Variants in NEDD4L observed in about 807,000 individuals in gnomAD.
The protein encoded by NEDD4L is E3 ubiquitin-protein ligase NEDD4-like.
Under a neutral mutation model 148.9 loss-of-function variants are expected in NEDD4L, and 54 were observed. The ratio of observed to expected loss-of-function variants is 0.36; its 90% CI spans 0.29 to 0.45. NEDD4L has a LOEUF of 0.45. Ranked by LOEUF, NEDD4L falls within the 20% of genes least tolerant of loss-of-function variation. The pLI, the probability that NEDD4L is intolerant of heterozygous loss-of-function variation, is 1.00. For missense variants in NEDD4L, 856 were observed against 1,233.8 expected (o/e 0.69, Z 4.59); for synonymous variants, 433 against 440.7 (o/e 0.98, Z 0.22).
rs755163404 is a variant in NEDD4L, at chr18:58,396,318, A to G, written c.*49A>G. On this transcript the variant is annotated 3_prime_UTR_variant, in exon 31 of 31. Coordinates refer to ENST00000400345, the MANE Select transcript of NEDD4L (RefSeq NM_001144967.3). ...TGTTCTTCAAGCAAGTTCTGCTTGC[A>G]CTTTTGCATTTGCCTAACAGACTTT... 1.7e-5 allele frequency: 22 copies of G among 1,308,892 alleles called. No homozygotes were observed. Among genetic ancestry groups the G allele is most frequent in the Non-Finnish European group, 2.0e-5 (18 of 915,044 alleles). The allele number at this position is 1,308,892 out of a possible 1,614,324, so 81.1% of individuals were successfully genotyped here. A position where few individuals can be genotyped will look rare whatever the true frequency, so the allele number is the denominator to read the frequency against.
chr18:58,286,536 A>G (rs1352240417), intron 5 of NEDD4L, among the ~76,000 whole-genome samples: 1 of 152,196 alleles, frequency 6.6e-6, no homozygotes, highest in Non-Finnish European at 1.5e-5. Flanking sequence ...AAGACAATAA[A>G]TTATATTATA....
intron 4 of NEDD4L, among the ~76,000 whole-genome samples, chr18:58,250,369 C>CGA (rs1447299224): frequency 4.6e-5 from 7 of 152,252 alleles, no homozygotes; most frequent in Non-Finnish European, 8.8e-5. Flanking sequence ...AGGCTGGTCT[C>CGA]ACTCTCCTGA....
chr18:58,133,682 A>T (rs1020405805), intron 1 of NEDD4L, among the ~76,000 whole-genome samples: 1 of 152,202 alleles, frequency 6.6e-6, no homozygotes. Flanking sequence ...TGCACACATC[A>T]TGATGATAAT....
chr18:58,276,218 G>A (rs1339388164), intron 5 of NEDD4L, among the ~76,000 whole-genome samples: 1 of 130,022 alleles, frequency 7.7e-6, no homozygotes, highest in Admixed American at 7.5e-5. Context: ...TTTTTGGGTG[G>A]GGAGGGGGGT....
chr18:58,112,488 A>C (rs1242871630), intron 1 of NEDD4L, among the ~76,000 whole-genome samples: 1 of 151,106 alleles, frequency 6.6e-6, no homozygotes, highest in African/African-American at 2.4e-5. Context: ...AGATTTTTAA[A>C]ATTTTATTAT....
intron 2 of NEDD4L, among the ~76,000 whole-genome samples, chr18:58,228,071 C>A (rs1049642063): frequency 1.3e-5 from 2 of 152,174 alleles, no homozygotes; most frequent in Non-Finnish European, 2.9e-5. Flanking sequence ...TACCCTACCC[C>A]ACTCCAGCCA....
At chr18:58,352,362 T>C (rs1225669421) in intron 18 of NEDD4L, among the ~76,000 whole-genome samples, 8 of 152,136 alleles carry the variant, frequency 5.3e-5, no homozygotes, top group Admixed American at 5.2e-4. Context: ...AAAAACAAAA[T>C]AATAGTTTCC....
chr18:58,160,263 A>G (rs1478276959), intron 1 of NEDD4L, among the ~76,000 whole-genome samples: 1 of 152,234 alleles, frequency 6.6e-6, no homozygotes, highest in Non-Finnish European at 1.5e-5. Flanking sequence ...CTCGCAACTG[A>G]ACCTTCAGAT....
intron 1 of NEDD4L, chr18:58,045,090 A>G: frequency 2.5e-6 from 1 of 402,258 alleles, no homozygotes; most frequent in Non-Finnish European, 4.4e-6. Flanking sequence ...TCCATGATGC[A>G]TGTCACGTCT....
At chr18:58,383,577 C>T (rs897558306) in intron 25 of NEDD4L, among the ~76,000 whole-genome samples, 17 of 152,164 alleles carry the variant, frequency 1.1e-4, no homozygotes, top group African/African-American at 3.6e-4. Context: ...TTGAGTAATA[C>T]GGCAAATACT....
At chr18:58,153,868 T>C (rs1019989100) in intron 1 of NEDD4L, among the ~76,000 whole-genome samples, 5 of 152,208 alleles carry the variant, frequency 3.3e-5, no homozygotes, top group Admixed American at 6.5e-5. Context: ...CAGGATGGTC[T>C]CTATCTCCTG....
chr18:58,153,255 A>G (rs557536232), intron 1 of NEDD4L, among the ~76,000 whole-genome samples: 2 of 152,244 alleles, frequency 1.3e-5, no homozygotes, highest in East Asian at 3.9e-4. Flanking sequence ...CCTACAGTAC[A>G]GCAGAAGCTT....
At chr18:58,279,476 G>A (rs2052668557) in intron 5 of NEDD4L, among the ~76,000 whole-genome samples, 1 of 152,194 alleles carries the variant, frequency 6.6e-6, no homozygotes, top group South Asian at 2.1e-4. Context: ...CCAGCAAGAA[G>A]GCTTGGAAAT....
intron 5 of NEDD4L, among the ~76,000 whole-genome samples, chr18:58,296,500 G>A (rs538400571): frequency 6.6e-6 from 1 of 152,240 alleles, no homozygotes; most frequent in East Asian, 1.9e-4. Flanking sequence ...TCCCTCCAGA[G>A]CCTCTAGGAA....
At chr18:58,311,634 T>C (rs2057709511) in intron 5 of NEDD4L, among the ~76,000 whole-genome samples, 2 of 152,210 alleles carry the variant, frequency 1.3e-5, no homozygotes, top group Admixed American at 6.5e-5. Flanking sequence ...GGGGTGGTCA[T>C]TGGTGTATAG....
At chr18:58,328,333 AG>A (rs1174298404) in intron 9 of NEDD4L, among the ~76,000 whole-genome samples, 1 of 152,252 alleles carries the variant, frequency 6.6e-6, no homozygotes, top group African/African-American at 2.4e-5. Context: ...GACAAAAAAT[AG>A]GGTATGATGT....
intron 2 of NEDD4L, among the ~76,000 whole-genome samples, chr18:58,172,363 A>G (rs1470825175): frequency 1.3e-5 from 2 of 152,162 alleles, no homozygotes; most frequent in Admixed American, 6.5e-5. Flanking sequence ...GTGTTTGGCC[A>G]TGGTGAAGTG....
intron 1 of NEDD4L, among the ~76,000 whole-genome samples, chr18:58,126,478 TG>T (rs35095232): frequency 0.71 from 108,290 of 152,060 alleles, 38,739 homozygotes; most frequent in Admixed American, 0.77. Context: ...TTCCTTTTTA[TG>T]GCAGATAATA....
chr18:58,278,136 T>C (rs528567365), intron 5 of NEDD4L, among the ~76,000 whole-genome samples: 1 of 152,354 alleles, frequency 6.6e-6, no homozygotes, highest in Non-Finnish European at 1.5e-5. Context: ...TAATCCCATG[T>C]AGTTCTTTGA....
Sources: allele counts gnomAD v4.1 joint callset (sites outside exome capture counted in the v4.1 genomes callset), GRCh38; gene constraint gnomAD v4.1.1; transcripts MANE v1.5; gene names NCBI Gene and HGNC (gene_info 2026-07-23, HGNC 2026-07-21).